LRP1B: variants seen among roughly 807,000 people sequenced by gnomAD.
LRP1B encodes the protein low-density lipoprotein receptor-related protein 1B.
In LRP1B, 217 loss-of-function variants were observed where a neutral mutation model predicts 556.6. The ratio of observed to expected loss-of-function variants is 0.39; its 90% confidence interval spans 0.35 to 0.44. LRP1B has a LOEUF of 0.44. LRP1B is among the 20% of genes least tolerant of loss of function. LRP1B has a pLI of 1.00. For missense variants in LRP1B, 5,053 were observed against 5,620.8 expected (o/e 0.90, Z 3.23); for synonymous variants, 2,047 against 1,865.8 (o/e 1.10, Z -2.50).
In LRP1B at chr2:140,931,333, C is replaced by T. The variant is rs184252931; in HGVS notation, c.3137-8186G>A. ...TTTAACCTCACACACACGTCCAGAA[C>T]GTGGCTTTTGTGTTTTCCCTTTAAT... On this transcript the variant is annotated intron_variant, in intron 20 of 90. Transcript: ENST00000389484. Among the ~76,000 whole-genome samples, 209 of 152,190 alleles carry T rather than the reference C, an allele frequency of 1.4e-3. 1 individual carries two copies. The highest frequency in any genetic ancestry group is 2.5e-4 in the Non-Finnish European group (17 of 68,008).
chr2:142,130,626 AGCGG>A lies in LRP1B; in HGVS notation c.82+18_82+21del, dbSNP rs754485073. The A allele has an allele frequency of 6.3e-7, 1 of 1,592,864 alleles. No individual in the cohort carries two copies. Among genetic ancestry groups the A allele is most frequent in the Admixed American group, 1.7e-5 (1 of 58,484 alleles). On this transcript the variant is annotated intron_variant, in intron 1 of 90. Coordinates refer to ENST00000389484, the MANE Select transcript of LRP1B (RefSeq NM_018557.3). ...AAAGCCAAGGAAGTCAGGGGAGGGG[AGCGG>A]GGAGGTGTTCTCCTTACCTCGGTCG...
chr2:140,935,228 A>T (rs936174690), intron 20 of LRP1B, among the ~76,000 whole-genome samples: 3 of 152,170 alleles, frequency 2.0e-5, no homozygotes, highest in African/African-American at 7.2e-5. Flanking sequence ...CAAAGAATTT[A>T]AAACAACTGG....
Position 141,130,231 on chromosome 2 carries a change from A to G in LRP1B, c.1013+58190T>C, listed in dbSNP as rs569172175. Among the ~76,000 whole-genome samples, 4 of 152,208 alleles carry G rather than the reference A, an allele frequency of 2.6e-5. No individual in the cohort carries two copies. The South Asian group carries it at 8.3e-4, about 32-fold the overall frequency. On this transcript the variant is annotated intron_variant, in intron 7 of 90. Coordinates refer to ENST00000389484, the MANE Select transcript of LRP1B (RefSeq NM_018557.3). ...GACAAACATTCATAACACATATAAC[A>G]AATAGCTAATTCATTTAACACACAC... is the stretch of plus-strand genomic sequence containing the variant.
intron 7 of LRP1B, among the ~76,000 whole-genome samples, chr2:141,070,941 T>G (rs986222737): frequency 3.2e-4 from 49 of 152,130 alleles, no homozygotes; most frequent in Admixed American, 9.8e-4. Context: ...GAGAAACTGG[T>G]ACCATTCCTT....
At chr2:140,654,038 A>AAAAG (rs1684783930) in intron 41 of LRP1B, among the ~76,000 whole-genome samples, 1 of 142,304 alleles carries the variant, frequency 7.0e-6, no homozygotes, top group Non-Finnish European at 1.6e-5. Flanking sequence ...AAAAAAAAAA[A>AAAAG]AAAAAAAAAA....
intron 2 of LRP1B, among the ~76,000 whole-genome samples, chr2:141,525,913 G>A (rs890038826): frequency 2.0e-5 from 3 of 151,856 alleles, no homozygotes; most frequent in African/African-American, 4.8e-5. Context: ...ATTTAGCTGG[G>A]TGTTCTTTGT....
At chr2:140,914,006 C>T (rs1225140292) in intron 21 of LRP1B, among the ~76,000 whole-genome samples, 1 of 152,026 alleles carries the variant, frequency 6.6e-6, no homozygotes, top group Non-Finnish European at 1.5e-5. Context: ...CAGTTTGGGG[C>T]CCCTAATTCA....
intron 3 of LRP1B, among the ~76,000 whole-genome samples, chr2:141,429,621 C>A (rs1680492635): frequency 6.6e-6 from 1 of 152,182 alleles, no homozygotes; most frequent in African/African-American, 2.4e-5. Context: ...AACTATTCTT[C>A]CTGATGCTCT....
rs553346652 is a variant in LRP1B at position 141,506,497 on chromosome 2, T to C, written c.206-25964A>G. Among the ~76,000 whole-genome samples the C allele has an allele frequency of 2.0e-5, 3 of 152,262 alleles. No homozygotes were observed. The South Asian group carries it at 6.2e-4, about 32-fold the overall frequency. ...CACTAGTGTAACATTCTACTGTATT[T>C]ACATCTTTAATGACTGTTAATCTTC... On this transcript the variant is annotated intron_variant, in intron 2 of 90. Coordinates refer to ENST00000389484, the MANE Select transcript of LRP1B (RefSeq NM_018557.3).
At chr2:141,997,581 C>T (rs1389729761) in intron 1 of LRP1B, among the ~76,000 whole-genome samples, 1 of 150,144 alleles carries the variant, frequency 6.7e-6, no homozygotes, top group African/African-American at 2.4e-5. Context: ...CTCCTGGGCT[C>T]AAGCAATTCT....
At chr2:141,328,102 T>A (rs1224934079) in intron 3 of LRP1B, among the ~76,000 whole-genome samples, 1 of 152,208 alleles carries the variant, frequency 6.6e-6, no homozygotes, top group Non-Finnish European at 1.5e-5. Flanking sequence ...TATACATATA[T>A]ACATGCCTCT....
intron 87 of LRP1B, among the ~76,000 whole-genome samples, chr2:140,246,316 C>A (rs1183380460): frequency 6.6e-6 from 1 of 151,156 alleles, no homozygotes; most frequent in African/African-American, 2.4e-5. Context: ...TTATTTACAC[C>A]CAATAGACAA....
chr2:141,156,902 A>G (rs79316689), intron 7 of LRP1B, among the ~76,000 whole-genome samples: 1 of 152,148 alleles, frequency 6.6e-6, no homozygotes, highest in African/African-American at 2.4e-5. Flanking sequence ...AAACCCCAAC[A>G]TTAGTTATAA....
At chr2:142,017,385 G>A (rs1336855874) in intron 1 of LRP1B, among the ~76,000 whole-genome samples, 1 of 152,024 alleles carries the variant, frequency 6.6e-6, no homozygotes, top group South Asian at 2.1e-4. Flanking sequence ...TTTAATTATA[G>A]TGATAATTAA....
intron 86 of LRP1B, among the ~76,000 whole-genome samples, chr2:140,249,039 T>A: frequency 3.7e-5 from 1 of 27,232 alleles, no homozygotes; most frequent in Non-Finnish European, 1.6e-4. Context: ...ATTATCTCAT[T>A]TAAAAGAAAA....
chr2:141,777,094 G>C (rs1025555438), intron 2 of LRP1B, among the ~76,000 whole-genome samples: 1 of 152,176 alleles, frequency 6.6e-6, no homozygotes, highest in Non-Finnish European at 1.5e-5. Context: ...GACAACAAGA[G>C]TGAAAGCTGA....
At chr2:141,835,281 T>C (rs1332340260) in intron 1 of LRP1B, among the ~76,000 whole-genome samples, 2 of 151,968 alleles carry the variant, frequency 1.3e-5, no homozygotes, top group Non-Finnish European at 2.9e-5. Flanking sequence ...GAAATACTTG[T>C]GTGAGAGTCA....
chr2:140,886,528 A>G (rs1326453113), intron 23 of LRP1B, among the ~76,000 whole-genome samples, 193 bp from the exon 24 acceptor site: 1 of 152,124 alleles, frequency 6.6e-6, no homozygotes, highest in Non-Finnish European at 1.5e-5. Flanking sequence ...TAGAATAGGT[A>G]TTAGGGAGTT....
At chr2:140,626,774 C>G (rs1175397064) in intron 41 of LRP1B, among the ~76,000 whole-genome samples, 1 of 147,462 alleles carries the variant, frequency 6.8e-6, no homozygotes, top group Admixed American at 6.8e-5. Flanking sequence ...CCAAAATATT[C>G]AATAAAAGAT....
Sources: allele counts gnomAD v4.1 joint callset (sites outside exome capture counted in the v4.1 genomes callset), GRCh38; gene constraint gnomAD v4.1.1; transcripts MANE v1.5; gene names NCBI Gene and HGNC (gene_info 2026-07-23, HGNC 2026-07-21).